Variants in GPSM1 observed in about 807,000 individuals in gnomAD.
The protein encoded by GPSM1 is G protein signaling modulator 1.
In GPSM1, 48 loss-of-function variants were observed where a neutral mutation model predicts 70.5. The ratio of observed to expected loss-of-function variants is 0.68; its 90% CI spans 0.54 to 0.87. GPSM1 has a LOEUF of 0.87. GPSM1 is among the 40% of genes least tolerant of loss of function. GPSM1 has a pLI of 0.00. For missense variants in GPSM1, 981 were observed against 972.6 expected (o/e 1.01, Z -0.11); for synonymous variants, 416 against 430.1 (o/e 0.97, Z 0.41).
chr9:136,355,748 TC>T lies in GPSM1; in HGVS notation c.1516del (p.Gln506ArgfsTer37). ...EECFFDLLTK[F>X]QSSRMDDQRC... ...TGCTTCTTTGACCTGTTGACCAAGT[TC>T]CAGAGCAGCCGCATGGACGACCAGC... On this transcript the variant is annotated frameshift_variant, in exon 12 of 14. Transcript: ENST00000440944. LOFTEE classifies it high-confidence loss of function. 6.2e-7 allele frequency: 1 copy of T among 1,612,382 alleles called. No homozygotes were observed. Among genetic ancestry groups the T allele is most frequent in the Non-Finnish European group, 8.5e-7 (1 of 1,179,532 alleles).
At chr9:136,328,872 C>T (rs1216594256) in intron 1 of GPSM1, among the ~76,000 whole-genome samples, 2 of 152,218 alleles carry the variant, frequency 1.3e-5, no homozygotes, top group Non-Finnish European at 2.9e-5. Context: ...TCAAGGGTTT[C>T]CTCCGCTGAT....
chr9:136,335,923 G>A (rs1554769133), intron 2 of GPSM1, 43 bp from the exon 3 acceptor site: 2 of 1,600,166 alleles, frequency 1.2e-6, no homozygotes, highest in South Asian at 1.1e-5. Context: ...CCAGAGGCCT[G>A]ACCAGTCCTC....
intron 11 of GPSM1, among the ~76,000 whole-genome samples, chr9:136,353,799 C>T (rs1461039630): frequency 6.6e-6 from 1 of 152,164 alleles, no homozygotes; most frequent in Non-Finnish European, 1.5e-5. Context: ...TCATCATAGC[C>T]CAGGAGCCAG....
At chr9:136,338,033 C>T (rs538050595) in intron 6 of GPSM1, 72 bp downstream of exon 6, 87 of 987,536 alleles carry the variant, frequency 8.8e-5, no homozygotes, top group East Asian at 7.5e-4. Context: ...AGGAAGTGCC[C>T]GCCCCAAGCT....
intron 1 of GPSM1, among the ~76,000 whole-genome samples, chr9:136,333,587 G>A (rs1832154120): frequency 1.3e-5 from 2 of 152,220 alleles, no homozygotes; most frequent in South Asian, 2.1e-4. Flanking sequence ...CCCGAAGGTG[G>A]GGGACCACGG....
chr9:136,354,993 G>T, intron 11 of GPSM1: 1 of 1,081,390 alleles, frequency 9.2e-7, no homozygotes, highest in Non-Finnish European at 1.1e-6. Flanking sequence ...TGAGAGGGGA[G>T]AAGTCCGGGG....
chr9:136,357,341 A>AC (rs1832859086), intron 13 of GPSM1, among the ~76,000 whole-genome samples: 1 of 152,094 alleles, frequency 6.6e-6, no homozygotes, highest in Non-Finnish European at 1.5e-5. Flanking sequence ...CAGAGAGGAA[A>AC]CCTCGGCCCG....
rs1554771737 is a variant in GPSM1 at position 136,349,576 on chromosome 9, C to T, written c.1279-11C>T. 26 of 1,549,054 alleles carry T rather than the reference C, an allele frequency of 1.7e-5. No homozygotes were observed. The highest frequency in any genetic ancestry group is 1.7e-6 in the Non-Finnish European group (2 of 1,146,134). ...ATTGCCCAGGCCACGCACAGCCTTA[C>T]CCCTCCCCAGGAGCAGAATGGAGAC... On this transcript the variant is annotated splice_polypyrimidine_tract_variant and intron_variant, in intron 10 of 13. Transcript: ENST00000440944.
rs782514062 is a variant in GPSM1, at chr9:136,340,268, G to C, written c.1083+453G>C. On this transcript the variant is annotated intron_variant, in intron 8 of 13. Coordinates refer to ENST00000440944, the MANE Select transcript of GPSM1 (RefSeq NM_001145638.3). The surrounding 1 kb of genome is among the most constrained non-coding windows in gnomAD (Gnocchi z 7.3). ...ATAGACCCATGTAGGAGGTGGCCGG[G>C]TGGGGAGGCCTGCAGGTGCCCAGGT... 1.3e-5 allele frequency among the ~76,000 whole-genome samples: 2 copies of C among 152,164 alleles called. No individual in the cohort carries two copies. Among genetic ancestry groups the C allele is most frequent in the Non-Finnish European group, 2.9e-5 (2 of 68,028 alleles).
In GPSM1 at chr9:136,356,264, A is replaced by T. The variant is rs1342078995; in HGVS notation, c.1613-78A>T. On this transcript the variant is annotated intron_variant, in intron 12 of 13. Transcript: ENST00000440944. ...GGGCTGGGCTGGGCTCAGAGGTCAG[A>T]GCTCACTGTGGCCGCAGCCCGAGCC... 7.2e-6 allele frequency: 8 copies of T among 1,111,442 alleles called. No homozygotes were observed. The East Asian group carries it at 2.1e-4, about 29-fold the overall frequency. The allele number at this position is 1,111,442 out of a possible 1,614,324, so 68.8% of individuals were successfully genotyped here.
chr9:136,349,906 G>A, intron 11 of GPSM1, 143 bp downstream of exon 11: 2 of 756,176 alleles, frequency 2.6e-6, no homozygotes, highest in Non-Finnish European at 4.2e-6. Flanking sequence ...ACCTGGTGCA[G>A]TGCTGTCCTG....
intron 10 of GPSM1, among the ~76,000 whole-genome samples, 161 bp from the exon 11 acceptor site, chr9:136,349,426 G>C (rs1832602748): frequency 6.6e-6 from 1 of 152,236 alleles, no homozygotes; most frequent in Non-Finnish European, 1.5e-5. Context: ...CCCGGCCCCA[G>C]CCAAGGGCCC....
Position 136,346,304 on chromosome 9 carries a change from G to A in GPSM1, c.1208-2393G>A, listed in dbSNP as rs549280139. On this transcript the variant is annotated intron_variant, in intron 9 of 13. Coordinates refer to ENST00000440944, the MANE Select transcript of GPSM1 (RefSeq NM_001145638.3). Reference sequence around the variant, plus strand: ...CGCCGTGGGCTGGTCTGGGGCCAGCGGGCTGGAGGCGGAAGACCAGCCTGG... The same window carrying A: ...CGCCGTGGGCTGGTCTGGGGCCAGCAGGCTGGAGGCGGAAGACCAGCCTGG... 4.6e-3 allele frequency among the ~76,000 whole-genome samples: 699 copies of A among 152,306 alleles called. 8 individuals carry two copies. Among genetic ancestry groups the A allele is most frequent in the African/African-American group, 0.016 (651 of 41,562 alleles).
At position 136,343,802 on chromosome 9, in the gene GPSM1, T is replaced by C. The variant is rs574956142; in HGVS notation, c.1207+2809T>C. On this transcript the variant is annotated intron_variant, in intron 9 of 13. Transcript: ENST00000440944. The surrounding 1 kb of genome is among the most constrained non-coding windows in gnomAD (Gnocchi z 6.0). Reference sequence around the variant, plus strand: ...TCGGGCCCTGGGTGGACGAGGCAGGTGTGGCTGCAGCACCATCCGCCTGTT... The same window carrying C: ...TCGGGCCCTGGGTGGACGAGGCAGGCGTGGCTGCAGCACCATCCGCCTGTT... Among the ~76,000 whole-genome samples the C allele has an allele frequency of 2.6e-3, 401 of 152,232 alleles. 2 individuals are homozygous for C. Among genetic ancestry groups the C allele is most frequent in the African/African-American group, 9.2e-3 (382 of 41,542 alleles).
rs927506817 is a variant in GPSM1, at chr9:136,337,079, G to A, written c.578+7G>A. 4 of 1,549,092 alleles carry A rather than the reference G, an allele frequency of 2.6e-6. No individual in the cohort carries two copies. The African/African-American group carries it at 4.1e-5, about 16-fold the overall frequency. ...AGGCCTCCGAGTTCTACGAGTGAGT[G>A]GGGCAGGGCCAGCCCAGGGACCGGG... is the stretch of plus-strand genomic sequence containing the variant. On this transcript the variant is annotated splice_region_variant and intron_variant, in intron 4 of 13. Transcript: ENST00000440944.
intron 11 of GPSM1, among the ~76,000 whole-genome samples, chr9:136,350,136 C>T (rs946021390): frequency 6.6e-6 from 1 of 152,232 alleles, no homozygotes; most frequent in African/African-American, 2.4e-5. Flanking sequence ...ACTCCAGCCC[C>T]CACCCTCCTT....
chr9:136,356,372 C>A lies in GPSM1; in HGVS notation c.1643C>A (p.Thr548Asn). ...AQPSMTASPQTEEFFDLIASS... is the reference protein window; with the variant it reads ...AQPSMTASPQNEEFFDLIASS... ...CCCTCGATGACGGCCTCGCCCCAGA[C>A]CGAGGAATTCTTCGACCTCATCGCC... Residue 548 changes from threonine (T) to asparagine (N), a missense_variant, in exon 13 of 14, where the codon ACC (threonine) becomes AAC (asparagine). Transcript: ENST00000440944. 2 of 1,604,250 alleles carry A rather than the reference C, an allele frequency of 1.2e-6. No individual in the cohort carries two copies. The highest frequency in any genetic ancestry group is 2.2e-5 in the South Asian group (2 of 90,514).
chr9:136,349,459 C>G (rs1170611999), intron 10 of GPSM1, 128 bp from the exon 11 acceptor site: 3 of 830,380 alleles, frequency 3.6e-6, no homozygotes, highest in Non-Finnish European at 5.6e-6. Flanking sequence ...CTCTCCTCCT[C>G]TCTGGGTACT....
intron 12 of GPSM1, among the ~76,000 whole-genome samples, 175 bp downstream of exon 12, chr9:136,356,021 C>T (rs999115196): frequency 2.0e-5 from 3 of 152,126 alleles, no homozygotes; most frequent in East Asian, 1.9e-4. Flanking sequence ...TCCCGGGAAG[C>T]GTGTCATCAG....
Sources: gnomAD v4.1 joint callset for allele counts (sites outside exome capture counted in the v4.1 genomes callset) on GRCh38, gnomAD v4.1.1 for gene constraint, Gnocchi (gnomAD v3.1) non-coding constraint, MANE v1.5 for transcripts, NCBI Gene and HGNC (gene_info 2026-07-23, HGNC 2026-07-21) for gene names.